Variants in KIF6 observed in about 807,000 individuals in gnomAD.
KIF6 encodes kinesin family member 6.
Under a neutral mutation model 112.7 loss-of-function variants are expected in KIF6, and 106 were observed. The observed-to-expected ratio is 0.94, with a 90% confidence interval of 0.80 to 1.11. The LOEUF is 1.11. KIF6 is among the 50% of genes least tolerant of loss of function. The pLI is 0.00. For synonymous variants in KIF6, 339 were observed against 339.9 expected (o/e 1.00, Z 0.03); for missense variants, 929 against 964.0 (o/e 0.96, Z 0.48).
intron 3 of KIF6, among the ~76,000 whole-genome samples, chr6:39,649,113 T>C (rs1394110667): frequency 6.6e-6 from 1 of 151,988 alleles, no homozygotes; most frequent in Non-Finnish European, 1.5e-5. Context: ...CTGTGAGCTA[T>C]GATTGGGTGA....
intron 3 of KIF6, among the ~76,000 whole-genome samples, chr6:39,672,083 A>G (rs1786848410): frequency 6.6e-6 from 1 of 152,208 alleles, no homozygotes; most frequent in Non-Finnish European, 1.5e-5. Flanking sequence ...TTTAATATTA[A>G]AAGTGTTTTG....
chr6:39,658,200 C>T (rs1445875576), intron 3 of KIF6, among the ~76,000 whole-genome samples: 1 of 152,134 alleles, frequency 6.6e-6, no homozygotes, highest in Non-Finnish European at 1.5e-5. Context: ...AAATTCTCAT[C>T]TTGCTTAGAA....
At chr6:39,597,992 C>T (rs1582234358) in intron 6 of KIF6, among the ~76,000 whole-genome samples, 1 of 152,042 alleles carries the variant, frequency 6.6e-6, no homozygotes, top group Non-Finnish European at 1.5e-5. Context: ...ATGGTGAAAC[C>T]CCGTGTGTAC....
Position 39,540,168 on chromosome 6 carries a change from G to T in KIF6, c.1480C>A (p.His494Asn), listed in dbSNP as rs1315595622. The change falls in exon 13 of 23, where the codon CAC (histidine) becomes AAC (asparagine). Residue 494 changes from histidine to asparagine, a missense_variant. This residue lies in a region of KIF6 where 688 missense variants were observed against 662.7 expected (regional missense o/e 1.04). Transcript: ENST00000287152. ...KEKKKAQEAL[H>N]LAGMDRREFR... ...TCACGTCTATCCATGCCAGCCAAGT[G>T]GAGAGCCTCCTGAGCTTTCTTCTTT... 6.2e-7 allele frequency: 1 copy of T among 1,614,092 alleles called. No homozygotes were observed. Among genetic ancestry groups the T allele is most frequent in the Admixed American group, 1.7e-5 (1 of 60,004 alleles).
chr6:39,384,567 T>C (rs1183891545), intron 16 of KIF6, among the ~76,000 whole-genome samples: 1 of 152,224 alleles, frequency 6.6e-6, no homozygotes, highest in East Asian at 1.9e-4. Flanking sequence ...AATCAGCAGC[T>C]ATTCTATATC....
chr6:39,420,039 G>A, intron 14 of KIF6, 36 bp from the exon 15 acceptor site: 1 of 1,424,852 alleles, frequency 7.0e-7, no homozygotes, highest in Non-Finnish European at 9.9e-7. Flanking sequence ...TAGTTTTTCT[G>A]TTCATCCTAC....
chr6:39,362,736 A>T (rs974434272), intron 16 of KIF6, among the ~76,000 whole-genome samples: 5 of 152,126 alleles, frequency 3.3e-5, no homozygotes, highest in Admixed American at 1.3e-4. Context: ...CACTGCCAAC[A>T]TCTGTCACTG....
rs974801597 is a variant in KIF6, at chr6:39,596,036, C to A, written c.846+18G>T. ...TGGTAGCTATAGTTATTAATACATCCCACTCTGCCCATTTTACCTGTTCTA... is the reference window on the plus strand; with the variant it reads ...TGGTAGCTATAGTTATTAATACATCACACTCTGCCCATTTTACCTGTTCTA... On this transcript the variant is annotated intron_variant, in intron 7 of 22. Transcript: ENST00000287152. 15 of 1,594,506 alleles carry A rather than the reference C, an allele frequency of 9.4e-6. No individual in the cohort carries two copies. In the African/African-American group the frequency reaches 1.7e-4, roughly 19 times the overall value.
chr6:39,421,021 A>G (rs894708037), intron 14 of KIF6, among the ~76,000 whole-genome samples: 1 of 152,216 alleles, frequency 6.6e-6, no homozygotes, highest in Non-Finnish European at 1.5e-5. Flanking sequence ...GTCCCTATAC[A>G]TAGTGGGCCC....
chr6:39,527,563 A>G (rs529339997), intron 13 of KIF6, among the ~76,000 whole-genome samples: 1 of 152,192 alleles, frequency 6.6e-6, no homozygotes, highest in Non-Finnish European at 1.5e-5. Context: ...TTTCTATAAC[A>G]TGACTCCACT....
Position 39,336,338 on chromosome 6 carries a change from C to A in KIF6, c.*194G>T. Reference sequence around the variant, plus strand: ...CCACAGGAAGGATGTTGTGGTCAGCCCCAGCCCCAGCCTCTCGGTGGCCTC... The same window carrying A: ...CCACAGGAAGGATGTTGTGGTCAGCACCAGCCCCAGCCTCTCGGTGGCCTC... On this transcript the variant is annotated 3_prime_UTR_variant, in exon 23 of 23. Transcript: ENST00000287152. The A allele has an allele frequency of 1.7e-6, 1 of 600,152 alleles. No homozygotes were observed. Among genetic ancestry groups the A allele is most frequent in the South Asian group, 1.9e-5 (1 of 51,528 alleles). 37.2% of individuals were successfully genotyped at this position (600,152 alleles called of 1,614,324 possible). A position where few individuals can be genotyped will look rare whatever the true frequency, so the allele number is the denominator to read the frequency against.
rs1458196082 is a variant in KIF6, at chr6:39,545,594, G to T, written c.1276C>A (p.His426Asn). The stretch of plus-strand genomic sequence containing the variant: ...ACATTTAAGTTTACCTTTAAATGAT[G>T]AAAACAGTGATGAACTTTACGCATA... ...ADMRKVHHCF[H>N]HLKKLLNDKK... Residue 426 changes from histidine (H) to asparagine (N), a missense_variant, in exon 11 of 23, where the codon CAT becomes AAT. Physicochemically the swap from His to Asn is moderately conservative, Grantham distance 68 (BLOSUM62 1). Coordinates refer to ENST00000287152, the MANE Select transcript of KIF6 (RefSeq NM_145027.6). 3.0e-5 allele frequency: 48 copies of T among 1,609,680 alleles called. No individual in the cohort carries two copies. The highest frequency in any genetic ancestry group is 3.7e-5 in the Non-Finnish European group (44 of 1,176,536).
At chr6:39,389,612 T>C (rs1767705398) in intron 15 of KIF6, among the ~76,000 whole-genome samples, 1 of 152,200 alleles carries the variant, frequency 6.6e-6, no homozygotes, top group African/African-American at 2.4e-5. Context: ...CAGGGATGGT[T>C]TGCTTTCCTG....
chr6:39,700,054 C>T (rs949507638), intron 3 of KIF6, among the ~76,000 whole-genome samples: 6 of 151,982 alleles, frequency 3.9e-5, no homozygotes, highest in African/African-American at 1.2e-4. Context: ...ATATTTAAGG[C>T]GATACATATG....
intron 14 of KIF6, among the ~76,000 whole-genome samples, chr6:39,430,193 T>C (rs1771055623): frequency 6.6e-6 from 1 of 152,122 alleles, no homozygotes; most frequent in South Asian, 2.1e-4. Flanking sequence ...ATGGCCTCCT[T>C]TCTCTCTACC....
At chr6:39,341,475 C>CA (rs961044920) in intron 22 of KIF6, among the ~76,000 whole-genome samples, 4 of 152,176 alleles carry the variant, frequency 2.6e-5, no homozygotes, top group African/African-American at 7.2e-5. Flanking sequence ...CTGTTCTCAG[C>CA]AATTTGAATA....
chr6:39,513,904 T>C (rs1385324301), intron 13 of KIF6, among the ~76,000 whole-genome samples: 1 of 152,158 alleles, frequency 6.6e-6, no homozygotes, highest in African/African-American at 2.4e-5. Context: ...CTTTCTATCC[T>C]CTCTATGGAA....
intron 7 of KIF6, among the ~76,000 whole-genome samples, chr6:39,590,393 TTGA>T (rs1229022870): frequency 3.3e-5 from 5 of 149,836 alleles, no homozygotes. Context: ...ATTAAACTTC[TTGA>T]TGATATATAT....
chr6:39,413,497 C>T (rs1157798913), intron 15 of KIF6, among the ~76,000 whole-genome samples: 2 of 152,128 alleles, frequency 1.3e-5, no homozygotes, highest in Non-Finnish European at 2.9e-5. Flanking sequence ...GTGTTTTATT[C>T]CCCTGGCTAT....
Sources: allele counts gnomAD v4.1 joint callset (sites outside exome capture counted in the v4.1 genomes callset), GRCh38; gene constraint gnomAD v4.1.1; regional missense constraint gnomAD v4.1.1; transcripts MANE v1.5; gene names NCBI Gene and HGNC (gene_info 2026-07-23, HGNC 2026-07-21).